FAF1: variants seen among roughly 807,000 people sequenced by gnomAD.
FAF1 encodes FAS-associated factor 1.
Under a neutral mutation model 92.5 loss-of-function variants are expected in FAF1, and 25 were observed. That is an observed-to-expected ratio of 0.27 (90% confidence interval 0.20 to 0.38). The LOEUF is 0.38. Ranked by LOEUF, FAF1 falls within the 10% of genes least tolerant of loss-of-function variation. FAF1 has a pLI of 1.00. For missense variants in FAF1, 636 were observed against 793.3 expected, an observed-to-expected ratio of 0.80 and a Z score of 2.38; for synonymous variants, 234 against 273.2, an observed-to-expected ratio of 0.86 and a Z score of 1.42.
chr1:50,940,427 T>C (rs145880404), intron 1 of FAF1, among the ~76,000 whole-genome samples: 197 of 152,364 alleles, frequency 1.3e-3, no homozygotes, highest in African/African-American at 4.4e-3. Flanking sequence ...ATTATGTTTC[T>C]GTTGTTCATT....
At chr1:50,909,747 T>G (rs1644869316) in intron 1 of FAF1, among the ~76,000 whole-genome samples, 1 of 152,250 alleles carries the variant, frequency 6.6e-6, no homozygotes, top group Admixed American at 6.5e-5. Flanking sequence ...AGGTCTTCTC[T>G]ACGCTGTTTA....
intron 1 of FAF1, among the ~76,000 whole-genome samples, chr1:50,952,990 G>T (rs1480481589): frequency 2.6e-5 from 4 of 152,248 alleles, no homozygotes; most frequent in African/African-American, 9.6e-5. Flanking sequence ...AGATGGGATT[G>T]TTGCTGTGTC....
At chr1:50,703,381 C>A (rs1016882173) in intron 7 of FAF1, among the ~76,000 whole-genome samples, 1 of 152,044 alleles carries the variant, frequency 6.6e-6, no homozygotes, top group Non-Finnish European at 1.5e-5. Context: ...CCTGAAACTA[C>A]CCCCTCCATC....
chr1:50,907,848 G>A (rs1384145435), intron 1 of FAF1, among the ~76,000 whole-genome samples: 1 of 151,810 alleles, frequency 6.6e-6, no homozygotes, highest in Non-Finnish European at 1.5e-5. Flanking sequence ...TTTTTTTGAA[G>A]GTTTTTTTGT....
chr1:50,945,777 G>A (rs1170246491), intron 1 of FAF1, among the ~76,000 whole-genome samples: 1 of 152,224 alleles, frequency 6.6e-6, no homozygotes, highest in African/African-American at 2.4e-5. Context: ...ATTAGCAACA[G>A]GCAAAGGTCC....
At chr1:50,905,039 C>T (rs1644824918) in intron 1 of FAF1, among the ~76,000 whole-genome samples, 1 of 152,028 alleles carries the variant, frequency 6.6e-6, no homozygotes, top group Admixed American at 6.6e-5. Flanking sequence ...CAACACCAGC[C>T]CCCCACCCCA....
At chr1:50,548,924 T>C (rs1649160878) in intron 13 of FAF1, among the ~76,000 whole-genome samples, 1 of 152,258 alleles carries the variant, frequency 6.6e-6, no homozygotes, top group African/African-American at 2.4e-5. Flanking sequence ...AAAATGAAGA[T>C]AATAATACCT....
chr1:50,710,353 T>C (rs1476659859), intron 6 of FAF1, among the ~76,000 whole-genome samples: 1 of 152,186 alleles, frequency 6.6e-6, no homozygotes, highest in East Asian at 1.9e-4. Context: ...AGAGGGTAAT[T>C]TGGCAAGCAT....
At chr1:50,894,915 G>A (rs1273524925) in intron 1 of FAF1, among the ~76,000 whole-genome samples, 1 of 152,094 alleles carries the variant, frequency 6.6e-6, no homozygotes, top group Admixed American at 6.5e-5. Context: ...GTTTATAGGT[G>A]TAAGCACCTA....
intron 7 of FAF1, among the ~76,000 whole-genome samples, chr1:50,691,531 T>C (rs966813561): frequency 6.6e-6 from 1 of 152,178 alleles, no homozygotes; most frequent in African/African-American, 2.4e-5. Context: ...CATGAACCAC[T>C]GCATACAGCC....
intron 1 of FAF1, among the ~76,000 whole-genome samples, chr1:50,891,981 C>T (rs894245864): frequency 6.6e-6 from 1 of 152,170 alleles, no homozygotes; most frequent in African/African-American, 2.4e-5. Flanking sequence ...GCAGGCAGGC[C>T]TCCTTGAGCT....
intron 17 of FAF1, among the ~76,000 whole-genome samples, chr1:50,486,583 A>T (rs553076333): frequency 1.5e-4 from 22 of 151,672 alleles, no homozygotes; most frequent in Middle Eastern, 3.4e-3. Flanking sequence ...CTTCCTAGTT[A>T]GATATCAGCT....
intron 15 of FAF1, among the ~76,000 whole-genome samples, chr1:50,492,556 A>G (rs1011937569): frequency 1.2e-4 from 19 of 152,254 alleles, no homozygotes; most frequent in African/African-American, 1.9e-4. Flanking sequence ...TGTTATATTC[A>G]GAAGTATAGC....
At chr1:50,633,627 G>A (rs1438758836) in intron 8 of FAF1, among the ~76,000 whole-genome samples, 2 of 152,156 alleles carry the variant, frequency 1.3e-5, no homozygotes, top group Non-Finnish European at 2.9e-5. Flanking sequence ...AACCAGCAGG[G>A]AATAAGTATC....
intron 8 of FAF1, among the ~76,000 whole-genome samples, chr1:50,597,457 C>T (rs1374129241): frequency 6.6e-6 from 1 of 151,004 alleles, no homozygotes; most frequent in Non-Finnish European, 1.5e-5. Flanking sequence ...TAAAAAAATG[C>T]CCATAGAATT....
intron 13 of FAF1, among the ~76,000 whole-genome samples, chr1:50,561,718 C>T (rs570490226): frequency 8.0e-4 from 122 of 152,052 alleles, no homozygotes; most frequent in Admixed American, 3.4e-3. Context: ...TCCAGCTACT[C>T]GGGAGGCTGA....
chr1:50,822,746 TTTTCTTTC>T (rs758301200), intron 2 of FAF1, among the ~76,000 whole-genome samples: 49 of 144,342 alleles, frequency 3.4e-4, no homozygotes, highest in East Asian at 1.6e-3. Flanking sequence ...TTTTGGTGTT[TTTTCTTTC>T]TTTCTTTCTT....
At chr1:50,619,029 T>C (rs1653067248) in intron 8 of FAF1, among the ~76,000 whole-genome samples, 1 of 152,206 alleles carries the variant, frequency 6.6e-6, no homozygotes, top group African/African-American at 2.4e-5. Context: ...AGTGCTAGGA[T>C]TACAGGTGTG....
intron 12 of FAF1, among the ~76,000 whole-genome samples, chr1:50,573,943 C>A (rs1463508223): frequency 6.6e-6 from 1 of 151,908 alleles, no homozygotes; most frequent in Non-Finnish European, 1.5e-5. Flanking sequence ...GCCTGGCCAA[C>A]AGGGCGAAAC....
Sources: allele counts gnomAD v4.1 joint callset (sites outside exome capture counted in the v4.1 genomes callset), GRCh38; gene constraint gnomAD v4.1.1; transcripts MANE v1.5; gene names NCBI Gene and HGNC (gene_info 2026-07-23, HGNC 2026-07-21).